The following SEM1 variants were observed in gnomAD, a reference collection of about 807,000 sequenced individuals.
SEM1 encodes the protein 26S proteasome complex subunit SEM1.
SEM1 carries 3 observed loss-of-function variants against 12.7 expected under a neutral mutation model. That is an observed-to-expected ratio of 0.24 (90% CI 0.11 to 0.61). The LOEUF is 0.61. Among genes scored for constraint, SEM1 ranks in the 20% least tolerant of loss-of-function variants. The pLI is 0.88. For synonymous variants in SEM1, 30 were observed against 27.8 expected, an observed-to-expected ratio of 1.08 and a Z score of -0.25; for missense variants, 59 against 81.3, an observed-to-expected ratio of 0.73 and a Z score of 1.06.
At chr7:96,644,777 T>A (rs917421718) in intron 2 of SEM1, among the ~76,000 whole-genome samples, 4 of 152,120 alleles carry the variant, frequency 2.6e-5, no homozygotes, top group Admixed American at 2.6e-4. Flanking sequence ...ACCTTAATGC[T>A]AGGTTTCTAT....
intron 2 of SEM1, among the ~76,000 whole-genome samples, chr7:96,642,023 G>C (rs573665538): frequency 1.3e-5 from 2 of 151,728 alleles, no homozygotes; most frequent in South Asian, 4.2e-4. Flanking sequence ...GTCCAATATG[G>C]GTGGCATTAA....
chr7:96,695,045 G>A, intron 1 of SEM1, 154 bp from the exon 2 acceptor site: 1 of 520,998 alleles, frequency 1.9e-6, no homozygotes, highest in Non-Finnish European at 3.4e-6. Context: ...CTGAGCTTAT[G>A]CTGTCTAGTT....
chr7:96,641,981 G>A (rs10272678), intron 2 of SEM1, among the ~76,000 whole-genome samples: 50,719 of 151,788 alleles, frequency 0.33, 10,034 homozygotes, highest in African/African-American at 0.56. Context: ...CTAAGTCACA[G>A]TAGCTTAACC....
chr7:96,696,328 A>G (rs1289970052), intron 1 of SEM1: 2 of 152,008 alleles, frequency 1.3e-5, no homozygotes, highest in African/African-American at 4.8e-5. Flanking sequence ...ATACCTCTAT[A>G]GTTCTTTCGT....
At chr7:96,582,797 T>G (rs1432321462) in intron 2 of SEM1, among the ~76,000 whole-genome samples, 11 of 152,254 alleles carry the variant, frequency 7.2e-5, no homozygotes, top group Non-Finnish European at 1.6e-4. Context: ...TAGTTTATAT[T>G]TCTGTGGGAT....
chr7:96,584,952 CCTT>C (rs1383268894), intron 2 of SEM1, among the ~76,000 whole-genome samples: 4 of 151,304 alleles, frequency 2.6e-5, no homozygotes, highest in South Asian at 2.1e-4. Context: ...TCGTCTGAAG[CCTT>C]CTTCTCTCAG....
At chr7:96,483,338 C>T (rs185355010) in exon 4 of SEM1, 142 of 156,742 alleles carry the variant, frequency 9.1e-4, no homozygotes, top group Admixed American at 1.8e-3. Flanking sequence ...GAGGCTGCTG[C>T]TATCTAATAT....
chr7:96,558,915 G>T (rs1805612265), intron 2 of SEM1, among the ~76,000 whole-genome samples: 1 of 152,164 alleles, frequency 6.6e-6, no homozygotes, highest in Non-Finnish European at 1.5e-5. Context: ...CTAATATTGG[G>T]TAAGTCACTT....
chr7:96,698,346 A>G (rs563758339), intron 1 of SEM1, among the ~76,000 whole-genome samples: 9 of 152,154 alleles, frequency 5.9e-5, no homozygotes, highest in African/African-American at 2.2e-4. Context: ...TGCTGCACCC[A>G]TCAACCCATC....
chr7:96,501,451 A>G (rs1323791987), intron 3 of SEM1, among the ~76,000 whole-genome samples: 1 of 152,118 alleles, frequency 6.6e-6, no homozygotes. Flanking sequence ...CACACACAAA[A>G]AAACCCAATC....
intron 2 of SEM1, among the ~76,000 whole-genome samples, chr7:96,636,637 T>A (rs1042711054): frequency 6.6e-6 from 1 of 152,116 alleles, no homozygotes; most frequent in African/African-American, 2.4e-5. Context: ...CAGGAAATTA[T>A]AATCAGCTGT....
chr7:96,599,483 A>G (rs1182655953), intron 2 of SEM1, among the ~76,000 whole-genome samples: 2 of 152,180 alleles, frequency 1.3e-5, no homozygotes, highest in Non-Finnish European at 2.9e-5. Flanking sequence ...ATTCCCAAGG[A>G]TACCTAACAA....
At chr7:96,699,573 C>A (rs939988872) in intron 1 of SEM1, among the ~76,000 whole-genome samples, 2 of 152,216 alleles carry the variant, frequency 1.3e-5, no homozygotes, top group Non-Finnish European at 2.9e-5. Flanking sequence ...TAAGCAAATA[C>A]AATATACATA....
intron 2 of SEM1, among the ~76,000 whole-genome samples, chr7:96,544,889 G>A (rs770588701): frequency 6.2e-4 from 95 of 152,070 alleles, no homozygotes; most frequent in Middle Eastern, 6.8e-3. Flanking sequence ...GGCTGAAGAG[G>A]AAGAGGAGAC....
intron 2 of SEM1, among the ~76,000 whole-genome samples, chr7:96,580,800 C>T (rs2116053462): frequency 6.6e-6 from 1 of 152,194 alleles, no homozygotes; most frequent in East Asian, 1.9e-4. Context: ...GTCCTTCGCC[C>T]ACTTTTTGAT....
intron 2 of SEM1, among the ~76,000 whole-genome samples, chr7:96,579,349 T>C (rs915471859): frequency 6.6e-6 from 1 of 152,248 alleles, no homozygotes; most frequent in Admixed American, 6.5e-5. Context: ...AGCTTGTTTA[T>C]GGCTTTCTAA....
intron 2 of SEM1, among the ~76,000 whole-genome samples, chr7:96,569,604 T>C (rs1805955111): frequency 6.6e-6 from 1 of 152,142 alleles, no homozygotes; most frequent in African/African-American, 2.4e-5. Context: ...CTTACATGTA[T>C]GTATTGCCTA....
rs76273480 is a variant in SEM1 at position 96,541,428 on chromosome 7, TG to T, written c.171-34731del. Among the ~76,000 whole-genome samples, 9 of 130,280 alleles carry T rather than the reference TG, an allele frequency of 6.9e-5. No individual in the cohort carries two copies. In the East Asian group the frequency reaches 2.0e-3, roughly 28 times the overall value. The allele number at this position is 130,280 out of a possible 152,430, so 85.5% of individuals were successfully genotyped here. On this transcript the variant is annotated intron_variant and NMD_transcript_variant, in intron 2 of 3. Coordinates refer to the SEM1 transcript ENST00000466986. Reference sequence around the variant, plus strand: ...GATCATGTCTTTTCCCACTTTTTAATGGGTTTTTTTTTTTGTTTTTTTTTTT... The same window carrying T: ...GATCATGTCTTTTCCCACTTTTTAATGGTTTTTTTTTTTGTTTTTTTTTTT...
chr7:96,660,717 A>C (rs1436335099), intron 2 of SEM1, among the ~76,000 whole-genome samples: 2 of 152,152 alleles, frequency 1.3e-5, no homozygotes, highest in Non-Finnish European at 2.9e-5. Context: ...TCATAAGCTC[A>C]ATTTAATGAA....
Sources: gnomAD v4.1 joint callset for allele counts (sites outside exome capture counted in the v4.1 genomes callset) on GRCh38, gnomAD v4.1.1 for gene constraint, MANE v1.5 for transcripts, NCBI Gene and HGNC (gene_info 2026-07-23, HGNC 2026-07-21) for gene names.